Variants in ERCC8 observed in about 807,000 individuals in gnomAD.
ERCC8 encodes DNA excision repair protein ERCC-8.
ERCC8 carries 52 observed loss-of-function variants against 54.9 expected under a neutral mutation model. The ratio of observed to expected loss-of-function variants is 0.95; its 90% CI spans 0.76 to 1.19. The LOEUF is 1.19. Among genes scored for constraint, ERCC8 ranks in the 50% most tolerant of loss-of-function variants. The pLI, the probability that ERCC8 is intolerant of heterozygous loss-of-function variation, is 0.00. For synonymous variants in ERCC8, 146 were observed against 157.2 expected (o/e 0.93, Z 0.53); for missense variants, 514 against 466.1 (o/e 1.10, Z -0.95).
chr5:60,882,129 C>T (rs1052832823), intron 11 of ERCC8, among the ~76,000 whole-genome samples: 1 of 152,184 alleles, frequency 6.6e-6, no homozygotes, highest in Non-Finnish European at 1.5e-5. Context: ...GCGTGAGCCA[C>T]TGCGCCCGGC....
At chr5:60,908,768 C>A (rs1749157097) in intron 4 of ERCC8, among the ~76,000 whole-genome samples, 1 of 151,712 alleles carries the variant, frequency 6.6e-6, no homozygotes, top group Admixed American at 6.6e-5. Context: ...CTGTGGTTGC[C>A]CACCATTTCA....
At chr5:60,938,667 T>C (rs190548560) in intron 1 of ERCC8, among the ~76,000 whole-genome samples, 45 of 152,324 alleles carry the variant, frequency 3.0e-4, no homozygotes, top group African/African-American at 1.1e-3. Context: ...TTTGTTAAAG[T>C]TTGCTTAGTG....
At chr5:60,880,271 C>T (rs559222555) in intron 11 of ERCC8, among the ~76,000 whole-genome samples, 22 of 152,274 alleles carry the variant, frequency 1.4e-4, no homozygotes, top group African/African-American at 4.6e-4. Context: ...GTGGGTAACC[C>T]GACCTTTCTC....
chr5:60,893,051 C>T, intron 9 of ERCC8: 1 of 781,032 alleles, frequency 1.3e-6, no homozygotes, highest in East Asian at 2.5e-5. Flanking sequence ...CCAGCCACTT[C>T]ACAACCTCCT....
chr5:60,882,391 G>A lies in ERCC8; in HGVS notation c.1122+5049C>T, dbSNP rs376657416. Among the ~76,000 whole-genome samples the A allele has an allele frequency of 1.6e-3, 246 of 152,126 alleles. 1 individual carries two copies. The highest frequency in any genetic ancestry group is 5.6e-3 in the African/African-American group (233 of 41,512). On this transcript the variant is annotated intron_variant, in intron 11 of 11. Coordinates refer to ENST00000676185, the MANE Select transcript of ERCC8 (RefSeq NM_000082.4). The stretch of plus-strand genomic sequence containing the variant: ...AGCTATACTCCAAATGTCCAGAAGC[G>A]AAACTATTATTATTATTATTTGAGA...
rs1748884563 is a variant in ERCC8, at chr5:60,900,845, T to A, written c.618-1118A>T. 2 of 152,108 alleles carry A rather than the reference T, an allele frequency of 1.3e-5. 1 individual carries two copies. Among genetic ancestry groups the A allele is most frequent in the South Asian group, 4.1e-4 (2 of 4,830 alleles). The allele number at this position is 152,108 out of a possible 1,614,324, so 9.4% of individuals were successfully genotyped here. ...GCTTCTTAGCTCTCCTCTTATCTGA[T>A]GAAAACCAAGTTAAGCATGAAAAAT... On this transcript the variant is annotated intron_variant, in intron 7 of 11. Coordinates refer to ENST00000676185, the MANE Select transcript of ERCC8 (RefSeq NM_000082.4).
At chr5:60,917,245 T>C (rs1256247289) in intron 4 of ERCC8, among the ~76,000 whole-genome samples, 3 of 151,780 alleles carry the variant, frequency 2.0e-5, no homozygotes, top group Non-Finnish European at 2.9e-5. Flanking sequence ...TAAAAAAAGA[T>C]GTGACCTTAG....
At chr5:60,884,872 T>A (rs1404046321) in intron 11 of ERCC8, among the ~76,000 whole-genome samples, 1 of 152,140 alleles carries the variant, frequency 6.6e-6, no homozygotes, top group Non-Finnish European at 1.5e-5. Context: ...AATACAAAAC[T>A]CAACTTGATA....
intron 9 of ERCC8, chr5:60,892,242 T>C: frequency 3.7e-6 from 2 of 546,918 alleles, no homozygotes; most frequent in Non-Finnish European, 7.4e-6. Flanking sequence ...TTATATACAG[T>C]AGCTTTATCT....
intron 2 of ERCC8, among the ~76,000 whole-genome samples, chr5:60,923,976 C>T (rs566546906): frequency 1.3e-5 from 2 of 152,164 alleles, no homozygotes; most frequent in Admixed American, 1.3e-4. Context: ...TTAGAGTGTA[C>T]ACATGAATAT....
intron 11 of ERCC8, among the ~76,000 whole-genome samples, chr5:60,878,182 T>C (rs1027016910): frequency 4.0e-4 from 61 of 152,240 alleles, no homozygotes; most frequent in African/African-American, 1.4e-3. Context: ...TTTATTGATT[T>C]GTGTATGTTG....
chr5:60,920,947 G>A (rs1305422179), intron 3 of ERCC8, among the ~76,000 whole-genome samples: 1 of 151,790 alleles, frequency 6.6e-6, no homozygotes, highest in East Asian at 1.9e-4. Context: ...TTGTTATTGA[G>A]GGTGGGAAGA....
intron 9 of ERCC8, chr5:60,893,250 C>T (rs576679232): frequency 2.3e-5 from 23 of 1,004,188 alleles, no homozygotes; most frequent in East Asian, 1.2e-4. Context: ...ATAGTGGCCT[C>T]GTCATCCAGC....
intron 10 of ERCC8, among the ~76,000 whole-genome samples, chr5:60,889,891 T>G (rs748807233): frequency 5.9e-5 from 9 of 152,096 alleles, no homozygotes; most frequent in Non-Finnish European, 8.8e-5. Context: ...TCTTATTGAC[T>G]AATAAAAAGA....
chr5:60,904,846 T>C lies in ERCC8; in HGVS notation c.427A>G (p.Thr143Ala), dbSNP rs371402610. The change falls in exon 5 of 12, where the codon ACA (threonine) becomes GCA (alanine). Residue 143 changes from threonine to alanine, a missense_variant. Thr to Ala is a moderately conservative substitution (Grantham distance 58, BLOSUM62 0). Coordinates refer to ENST00000676185, the MANE Select transcript of ERCC8 (RefSeq NM_000082.4). Reference sequence around the variant, plus strand: ...GGAGACATATGATGACTATAAACTGTTTCCTCAAAATTAAATACATCTGCA... The same window carrying C: ...GGAGACATATGATGACTATAAACTGCTTCCTCAAAATTAAATACATCTGCA... ...QTADVFNFEE[T>A]VYSHHMSPVS... 22 of 1,588,520 alleles carry C rather than the reference T, an allele frequency of 1.4e-5. No homozygotes were observed. The highest frequency in any genetic ancestry group is 1.8e-5 in the Non-Finnish European group (21 of 1,157,802).
chr5:60,921,353 C>T (rs1749595356), intron 3 of ERCC8, among the ~76,000 whole-genome samples: 1 of 151,776 alleles, frequency 6.6e-6, no homozygotes, highest in Non-Finnish European at 1.5e-5. Flanking sequence ...TTCTCAGTGC[C>T]CATTCTCCCT....
At chr5:60,938,085 A>ATT (rs762592885) in intron 1 of ERCC8, among the ~76,000 whole-genome samples, 8 of 18,682 alleles carry the variant, frequency 4.3e-4, no homozygotes, top group African/African-American at 1.3e-3. Context: ...ATATATATAT[A>ATT]TTTTATTTTT....
At chr5:60,935,132 G>A (rs571731423) in intron 1 of ERCC8, among the ~76,000 whole-genome samples, 28 of 152,224 alleles carry the variant, frequency 1.8e-4, no homozygotes, top group African/African-American at 6.3e-4. Flanking sequence ...TGGCAGTATG[G>A]TTATTTTCGC....
At chr5:60,893,944 T>A (rs549119844) in intron 9 of ERCC8, among the ~76,000 whole-genome samples, 1 of 152,140 alleles carries the variant, frequency 6.6e-6, no homozygotes, top group African/African-American at 2.4e-5. Context: ...AGCAAAGATA[T>A]TCTTACCCCT....
Sources: allele counts gnomAD v4.1 joint callset (sites outside exome capture counted in the v4.1 genomes callset), GRCh38; gene constraint gnomAD v4.1.1; transcripts MANE v1.5; gene names NCBI Gene and HGNC (gene_info 2026-07-23, HGNC 2026-07-21).